The following RAB1A variants were observed in gnomAD, a reference collection of about 807,000 sequenced individuals.
RAB1A encodes the protein ras-related protein Rab-1A.
Under a neutral mutation model 26.0 loss-of-function variants are expected in RAB1A, and 2 were observed. The ratio of observed to expected loss-of-function variants is 0.08; its 90% CI spans 0.03 to 0.24. The LOEUF (loss-of-function observed/expected upper bound fraction) is 0.24, where lower values mean the gene tolerates loss of function less well. RAB1A is among the 10% of genes least tolerant of loss of function. The pLI is 1.00. For missense variants in RAB1A, 100 were observed against 247.0 expected (o/e 0.40, Z 3.99); for synonymous variants, 84 against 84.9 (o/e 0.99, Z 0.06).
intron 1 of RAB1A, among the ~76,000 whole-genome samples, chr2:65,110,208 G>A (rs1228995110): frequency 6.6e-6 from 1 of 152,036 alleles, no homozygotes; most frequent in East Asian, 1.9e-4. Flanking sequence ...TTTGGAGGCT[G>A]AGGCGGGCAG....
chr2:65,094,168 C>A (rs1669232728), intron 3 of RAB1A, among the ~76,000 whole-genome samples: 1 of 152,068 alleles, frequency 6.6e-6, no homozygotes, highest in Admixed American at 6.6e-5. Flanking sequence ...CAGGGTTTCA[C>A]CATGTTGCCC....
In RAB1A at chr2:65,119,151, GC is replaced by G. The variant is rs78592113; in HGVS notation, c.23+10741del. ...GCCTGGGAAGTCCAGGCTGCAGTAAGCCATGATCTCACCACTGTACTCCAGC... is the reference window on the plus strand; with the variant it reads ...GCCTGGGAAGTCCAGGCTGCAGTAAGCATGATCTCACCACTGTACTCCAGC... On this transcript the variant is annotated intron_variant, in intron 1 of 5. Transcript: ENST00000409784. Among the ~76,000 whole-genome samples the G allele has an allele frequency of 1.8e-3, 276 of 152,236 alleles. 1 individual carries two copies. In the East Asian group the frequency reaches 0.033, roughly 18 times the overall value.
intron 2 of RAB1A, among the ~76,000 whole-genome samples, chr2:65,102,411 C>T (rs1669451564): frequency 1.3e-5 from 2 of 151,862 alleles, no homozygotes; most frequent in South Asian, 4.1e-4. Context: ...TCATTAATAT[C>T]GGCACTCATC....
Position 65,088,968 on chromosome 2 carries a change from T to C in RAB1A, c.391A>G (p.Lys131Glu), listed in dbSNP as rs1258523796. 1 of 1,607,802 alleles carries C rather than the reference T, an allele frequency of 6.2e-7. No homozygotes were observed. Among genetic ancestry groups the C allele is most frequent in the Non-Finnish European group, 8.5e-7 (1 of 1,176,522 alleles). The change falls in exon 5 of 6, where the codon AAG becomes GAG. Residue 131 changes from lysine (K) to glutamate (E), a missense_variant. Around this residue, in one of 2 missense-constraint regions of RAB1A, gnomAD observed 67 missense variants for 122.9 expected, o/e 0.55. Coordinates refer to ENST00000409784, the MANE Select transcript of RAB1A (RefSeq NM_004161.5). ...GCTGTTGTGTAGTCTACTACTTTCT[T>C]TGTGGTCAGATCACATTTGTTCCCT... ...LVGNKCDLTT[K>E]KVVDYTTAKE...
At chr2:65,091,417 C>A (rs1251017139) in intron 3 of RAB1A, among the ~76,000 whole-genome samples, 1 of 152,184 alleles carries the variant, frequency 6.6e-6, no homozygotes, top group Non-Finnish European at 1.5e-5. Context: ...AGAACTCTTC[C>A]ATGTAAGACA....
At chr2:65,129,782 C>T in intron 1 of RAB1A, 111 bp downstream of exon 1, 4 of 1,510,788 alleles carry the variant, frequency 2.6e-6, no homozygotes, top group Non-Finnish European at 2.7e-6. Flanking sequence ...ACCCATCACC[C>T]TCGCCTCACC....
chr2:65,126,228 C>A lies in RAB1A; in HGVS notation c.23+3665G>T, dbSNP rs1670098567. Among the ~76,000 whole-genome samples the A allele has an allele frequency of 2.6e-5, 4 of 151,644 alleles. No individual in the cohort carries two copies. The South Asian group carries it at 8.3e-4, about 32-fold the overall frequency. On this transcript the variant is annotated intron_variant, in intron 1 of 5. Coordinates refer to ENST00000409784, the MANE Select transcript of RAB1A (RefSeq NM_004161.5). Reference sequence around the variant, plus strand: ...ACTCAGGAGACCAAGGCAGGAAAATCGCTTGAACCCAGGAGGCAGAGATTG... The same window carrying A: ...ACTCAGGAGACCAAGGCAGGAAAATAGCTTGAACCCAGGAGGCAGAGATTG...
chr2:65,098,160 T>TA (rs1000960049), intron 2 of RAB1A, 94 bp from the exon 3 acceptor site: 300 of 676,186 alleles, frequency 4.4e-4, no homozygotes, highest in East Asian at 7.5e-4. Flanking sequence ...CAAGAGTAAA[T>TA]AAAAAAAAAG....
At chr2:65,109,926 T>C (rs1003099331) in intron 1 of RAB1A, among the ~76,000 whole-genome samples, 1 of 152,152 alleles carries the variant, frequency 6.6e-6, no homozygotes, top group Admixed American at 6.6e-5. Context: ...TATCTGTGGG[T>C]GTGGAAGGTA....
Position 65,098,071 on chromosome 2 carries a change from AGGG to A in RAB1A, c.97-8_97-6del. The A allele has an allele frequency of 6.8e-6, 10 of 1,475,968 alleles. No homozygotes were observed. Among genetic ancestry groups the A allele is most frequent in the Non-Finnish European group, 9.2e-6 (10 of 1,089,928 alleles). 91.4% of individuals were successfully genotyped at this position (1,475,968 alleles called of 1,614,324 possible). ...GCTTTCTGTATATGTATCATCCTGA[AGGG>A]GGAAATAATTAACAATTAAATGTAT... On this transcript the variant is annotated splice_polypyrimidine_tract_variant and splice_region_variant and intron_variant, in intron 2 of 5. Transcript: ENST00000409784.
intron 1 of RAB1A, among the ~76,000 whole-genome samples, chr2:65,113,452 G>A (rs1669749369): frequency 6.6e-6 from 1 of 152,130 alleles, no homozygotes; most frequent in Non-Finnish European, 1.5e-5. Context: ...GTTGCAGTGA[G>A]CTAGGAATAG....
At chr2:65,122,614 C>T (rs1460275071) in intron 1 of RAB1A, among the ~76,000 whole-genome samples, 9 of 151,858 alleles carry the variant, frequency 5.9e-5, no homozygotes, top group South Asian at 2.1e-4. Context: ...AATCTCAAAA[C>T]GTTAAGAAGC....
At chr2:65,114,035 T>C (rs549312034) in intron 1 of RAB1A, 87 of 317,258 alleles carry the variant, frequency 2.7e-4, no homozygotes, top group Non-Finnish European at 4.8e-4. Flanking sequence ...ACAGCACACC[T>C]ATCATAACAC....
chr2:65,100,516 T>C (rs1669398685), intron 2 of RAB1A, among the ~76,000 whole-genome samples: 2 of 151,894 alleles, frequency 1.3e-5, no homozygotes, highest in African/African-American at 4.8e-5. Context: ...TCCCAGCACT[T>C]TGGGAGGCCA....
intron 3 of RAB1A, among the ~76,000 whole-genome samples, chr2:65,096,261 G>A (rs935666577): frequency 6.6e-5 from 10 of 152,188 alleles, no homozygotes; most frequent in African/African-American, 2.4e-4. Flanking sequence ...GTTGCAGTGA[G>A]CTCAAATCGC....
chr2:65,118,534 G>T (rs1669876202), intron 1 of RAB1A, among the ~76,000 whole-genome samples: 1 of 152,184 alleles, frequency 6.6e-6, no homozygotes, highest in African/African-American at 2.4e-5. Flanking sequence ...CTGAAGTGCA[G>T]TAGCACAATC....
chr2:65,114,686 A>C (rs1368791498), intron 1 of RAB1A, among the ~76,000 whole-genome samples: 1 of 151,968 alleles, frequency 6.6e-6, no homozygotes, highest in Non-Finnish European at 1.5e-5. Flanking sequence ...TACTAAAAAA[A>C]TACAAAAAAT....
At position 65,087,504 on chromosome 2, in the gene RAB1A, G is replaced by A. The variant is rs1364882142; in HGVS notation, c.*989C>T. ...ATTAGTCTGATCATTTGCCAATTAG[G>A]AAAGGTGCTGCTTTCTACCTCTACC... On this transcript the variant is annotated 3_prime_UTR_variant, in exon 6 of 6. Coordinates refer to ENST00000409784, the MANE Select transcript of RAB1A (RefSeq NM_004161.5). 6.6e-6 allele frequency: 1 copy of A among 152,618 alleles called. No homozygotes were observed. The highest frequency in any genetic ancestry group is 2.4e-5 in the African/African-American group (1 of 41,430). The allele number at this position is 152,618 out of a possible 1,614,324, so 9.5% of individuals were successfully genotyped here. A position where few individuals can be genotyped will look rare whatever the true frequency, so the allele number is the denominator to read the frequency against.
chr2:65,100,418 A>G (rs899961063), intron 2 of RAB1A, among the ~76,000 whole-genome samples: 2 of 150,962 alleles, frequency 1.3e-5, no homozygotes, highest in Admixed American at 6.6e-5. Flanking sequence ...AAAAAAAAAA[A>G]AAAAAGTTAT....
Sources: gnomAD v4.1 joint callset for allele counts (sites outside exome capture counted in the v4.1 genomes callset) on GRCh38, gnomAD v4.1.1 for gene constraint, gnomAD v4.1.1 regional missense constraint, MANE v1.5 for transcripts, NCBI Gene and HGNC (gene_info 2026-07-23, HGNC 2026-07-21) for gene names.